Variants in RUFY4 observed in about 807,000 individuals in gnomAD.
RUFY4 encodes the protein RUN and FYVE domain-containing protein 4.
Under a neutral mutation model 69.0 loss-of-function variants are expected in RUFY4, and 73 were observed. The ratio of observed to expected loss-of-function variants is 1.06; its 90% CI spans 0.88 to 1.29. RUFY4 has a LOEUF of 1.29. RUFY4 is among the 50% of genes most tolerant of loss of function. The probability of loss-of-function intolerance (pLI) is 0.00; values close to 1 mark genes in which losing one functional copy is unlikely to be tolerated. For missense variants in RUFY4, 770 were observed against 705.6 expected (o/e 1.09, Z -1.03); for synonymous variants, 287 against 271.8 (o/e 1.06, Z -0.55).
intron 2 of RUFY4, among the ~76,000 whole-genome samples, chr2:218,051,740 A>T (rs551477053): frequency 6.6e-6 from 1 of 152,166 alleles, no homozygotes; most frequent in Non-Finnish European, 1.5e-5. Flanking sequence ...AGTTTTCTAA[A>T]AATTAAACAC....
intron 2 of RUFY4, among the ~76,000 whole-genome samples, chr2:218,050,125 C>T (rs1206418154): frequency 1.3e-5 from 2 of 152,198 alleles, no homozygotes; most frequent in East Asian, 1.9e-4. Flanking sequence ...CAAAGCCACC[C>T]ATGGACCAGT....
intron 8 of RUFY4, 102 bp from the exon 11 acceptor site, chr2:218,083,008 C>T: frequency 1.5e-6 from 2 of 1,295,622 alleles, no homozygotes; most frequent in Non-Finnish European, 2.0e-6. Flanking sequence ...GGGGCATCAC[C>T]AGCGTCTCCC....
intron 6 of RUFY4, among the ~76,000 whole-genome samples, chr2:218,074,206 C>G (rs1367458241): frequency 6.6e-6 from 1 of 152,134 alleles, no homozygotes; most frequent in Non-Finnish European, 1.5e-5. Flanking sequence ...AGAGGGACAC[C>G]CTCTGCTGAG....
chr2:218,075,105 T>G, exon 7 of RUFY4: 1 of 1,534,250 alleles, frequency 6.5e-7, no homozygotes, highest in South Asian at 1.2e-5. Context: ...CCCAGCCGCA[T>G]ATGGAGGGCC....
exon 9 of RUFY4, chr2:218,083,161 G>A (rs765294973): frequency 1.9e-6 from 3 of 1,613,632 alleles, no homozygotes; most frequent in Non-Finnish European, 2.5e-6. Context: ...AGAAGCAACA[G>A]GAGGCTGAGA....
chr2:218,085,570 T>C (rs898596079), intron 9 of RUFY4, among the ~76,000 whole-genome samples: 3 of 152,216 alleles, frequency 2.0e-5, no homozygotes. Flanking sequence ...AAGTGGATAC[T>C]GTGTGAAGCC....
upstream of RUFY4, among the ~76,000 whole-genome samples, chr2:218,066,043 C>T (rs144787674): frequency 5.4e-3 from 815 of 152,138 alleles, 5 homozygotes; most frequent in African/African-American, 0.017. Context: ...GGCATCAGGG[C>T]CTTGAGAGGG....
chr2:218,089,431 A>C, intron 10 of RUFY4, 69 bp downstream of exon 12: 1 of 1,343,612 alleles, frequency 7.4e-7, no homozygotes, highest in Non-Finnish European at 1.0e-6. Context: ...GCCCCCACCC[A>C]CCCCAGGGAA....
At chr2:218,063,075 G>A (rs1689238958) in intron 3 of RUFY4, among the ~76,000 whole-genome samples, 1 of 152,250 alleles carries the variant, frequency 6.6e-6, no homozygotes, top group Non-Finnish European at 1.5e-5. Flanking sequence ...CCGCTCTGGG[G>A]AAGCCTGGGT....
chr2:218,042,655 G>C (rs143210059), intron 2 of RUFY4, among the ~76,000 whole-genome samples: 12 of 152,222 alleles, frequency 7.9e-5, no homozygotes, highest in South Asian at 2.1e-4. Context: ...ATAGCAGCAA[G>C]CATGAAAGTT....
chr2:218,058,571 A>G (rs1482143435), intron 2 of RUFY4: 2 of 152,128 alleles, frequency 1.3e-5, no homozygotes, highest in African/African-American at 4.8e-5. Flanking sequence ...GTTTCCCCAA[A>G]TTCTCTTCCT....
At chr2:218,076,379 C>T (rs1195517062) in intron 7 of RUFY4, 48 bp from the exon 10 acceptor site, 16 of 1,541,854 alleles carry the variant, frequency 1.0e-5, no homozygotes, top group Non-Finnish European at 1.3e-5. Flanking sequence ...GCACTGGGGT[C>T]TCTGCCCTTC....
At position 218,080,503 on chromosome 2, in the gene RUFY4, G is replaced by A. The variant is rs571157274; in HGVS notation, c.1356-2607G>A. Among the ~76,000 whole-genome samples the A allele has an allele frequency of 1.0e-3, 155 of 152,298 alleles. 1 individual carries two copies. Among genetic ancestry groups the A allele is most frequent in the Non-Finnish European group, 1.1e-3 (72 of 68,012 alleles). On this transcript the variant is annotated intron_variant, in intron 8 of 10. Coordinates refer to ENST00000344321, the Ensembl canonical transcript of RUFY4. The stretch of plus-strand genomic sequence containing the variant: ...AGTGGTCTGCCCTCTCTGGGCCTCA[G>A]GTCCCTGATTTGCAAAAGGAGACGG...
At chr2:218,058,518 G>A (rs1390438612) in intron 2 of RUFY4, 3 of 152,054 alleles carry the variant, frequency 2.0e-5, no homozygotes, top group African/African-American at 7.3e-5. Flanking sequence ...ATAAGTTTGT[G>A]TGGAGGGATT....
chr2:218,035,379 C>T (rs1251063245), exon 2 of RUFY4: 6 of 152,364 alleles, frequency 3.9e-5, no homozygotes, highest in African/African-American at 1.4e-4. Flanking sequence ...GGTGGGGAAA[C>T]TGAGGCTCAA....
chr2:218,075,360 A>T (rs1689600608), exon 7 of RUFY4: 1 of 1,612,870 alleles, frequency 6.2e-7, no homozygotes, highest in African/African-American at 1.3e-5. Context: ...CTTCCTGGGG[A>T]ACTCAACACC....
chr2:218,061,240 G>T, intron 3 of RUFY4: 1 of 370,974 alleles, frequency 2.7e-6, no homozygotes. Context: ...ACGTTCAGTA[G>T]AAACATCAGG....
intron 2 of RUFY4, among the ~76,000 whole-genome samples, 200 bp from the exon 5 acceptor site, chr2:218,072,174 T>C (rs570754718): frequency 2.8e-4 from 42 of 152,240 alleles, no homozygotes; most frequent in African/African-American, 9.6e-4. Context: ...TCTGAATGAA[T>C]GAATAAGAAC....
At position 218,079,936 on chromosome 2, in the gene RUFY4, G is replaced by A. The variant is rs527665402; in HGVS notation, c.1356-3174G>A. 3.9e-5 allele frequency among the ~76,000 whole-genome samples: 6 copies of A among 152,308 alleles called. No individual in the cohort carries two copies. The South Asian group carries it at 1.2e-3, about 32-fold the overall frequency. On this transcript the variant is annotated intron_variant, in intron 8 of 10. Transcript: ENST00000344321. The stretch of plus-strand genomic sequence containing the variant: ...GATGCTAGGGAAAAAAACAAAGGCA[G>A]GGAAGGGCGCGGAGAAAGACAGGAT...
Sources: gnomAD v4.1 joint callset for allele counts (sites outside exome capture counted in the v4.1 genomes callset) on GRCh38, gnomAD v4.1.1 for gene constraint, MANE v1.5 for transcripts, NCBI Gene and HGNC (gene_info 2026-07-23, HGNC 2026-07-21) for gene names.